The following ANKRD44 variants were observed in gnomAD, a reference collection of about 807,000 sequenced individuals.
The protein encoded by ANKRD44 is ankyrin repeat domain 44.
A neutral mutation model predicts 116.0 loss-of-function variants in ANKRD44; 35 were observed. The observed-to-expected ratio is 0.30, with a 90% CI of 0.23 to 0.40. The LOEUF is 0.40. ANKRD44 is among the 10% of genes least tolerant of loss of function. ANKRD44 has a pLI of 1.00. For missense variants in ANKRD44, 1,014 were observed against 1,242.6 expected, an observed-to-expected ratio of 0.82 and a Z score of 2.77; for synonymous variants, 435 against 461.8, an observed-to-expected ratio of 0.94 and a Z score of 0.74.
chr2:197,002,507 T>C (rs1035142644), intron 21 of ANKRD44, among the ~76,000 whole-genome samples: 1 of 152,224 alleles, frequency 6.6e-6, no homozygotes, highest in African/African-American at 2.4e-5. Flanking sequence ...GGCAATTTAC[T>C]TGGGATCTCT....
rs2081097772 is a variant in ANKRD44, at chr2:197,201,822, C to T, written c.28-14716G>A. On this transcript the variant is annotated intron_variant, in intron 1 of 27. Coordinates refer to ENST00000282272, the MANE Select transcript of ANKRD44 (RefSeq NM_001195144.2). The surrounding 1 kb of genome is among the most constrained non-coding windows in gnomAD (Gnocchi z 4.0). The stretch of plus-strand genomic sequence containing the variant: ...CATAGGTAGTTTTTAATCTCTTGCC[C>T]TCCTCCCATCCTGCCCCCTTTTGGG... Among the ~76,000 whole-genome samples the T allele has an allele frequency of 6.6e-6, 1 of 152,180 alleles. No homozygotes were observed.
chr2:197,216,974 A>C (rs1005247762), intron 1 of ANKRD44, among the ~76,000 whole-genome samples: 1 of 152,050 alleles, frequency 6.6e-6, no homozygotes, highest in Non-Finnish European at 1.5e-5. Context: ...TGACCATCAA[A>C]AACGAAAAGG....
chr2:196,997,070 A>G (rs926471284), intron 25 of ANKRD44, among the ~76,000 whole-genome samples: 1 of 152,182 alleles, frequency 6.6e-6, no homozygotes, highest in Non-Finnish European at 1.5e-5. Context: ...AAAAAATGCT[A>G]CAAAATCCAA....
At chr2:197,053,812 T>C (rs1301772935) in intron 16 of ANKRD44, among the ~76,000 whole-genome samples, 1 of 152,254 alleles carries the variant, frequency 6.6e-6, no homozygotes, top group Non-Finnish European at 1.5e-5. Flanking sequence ...TTGATATGGC[T>C]ATTTATGCTG....
chr2:197,052,639 T>C (rs1232186392), intron 16 of ANKRD44, among the ~76,000 whole-genome samples: 3 of 152,218 alleles, frequency 2.0e-5, no homozygotes, highest in South Asian at 2.1e-4. Flanking sequence ...AGGGTGTATA[T>C]AGCTCTGCCA....
At chr2:197,131,364 TG>T (rs1340830275) in intron 4 of ANKRD44, among the ~76,000 whole-genome samples, 2 of 151,882 alleles carry the variant, frequency 1.3e-5, no homozygotes, top group African/African-American at 4.8e-5. Flanking sequence ...GCTAATTTTT[TG>T]TATTTTTAGT....
At chr2:197,041,831 C>T (rs2076917219) in intron 16 of ANKRD44, among the ~76,000 whole-genome samples, 2 of 152,058 alleles carry the variant, frequency 1.3e-5, no homozygotes, top group South Asian at 4.1e-4. Context: ...AAATGAAATA[C>T]ACAATAAAGA....
rs761245854 is a variant in ANKRD44, at chr2:197,166,905, A to G, written c.112-19800T>C. 3.6e-4 allele frequency among the ~76,000 whole-genome samples: 55 copies of G among 152,384 alleles called. 1 individual carries two copies. The highest frequency in any genetic ancestry group is 4.4e-5 in the Non-Finnish European group (3 of 68,038). On this transcript the variant is annotated intron_variant, in intron 2 of 27. Coordinates refer to ENST00000282272, the MANE Select transcript of ANKRD44 (RefSeq NM_001195144.2). Reference sequence around the variant, plus strand: ...AACCAAATATTTTCTTTTCAAGATAAATCAAGTCAATTCTTATGTGATATA... The same window carrying G: ...AACCAAATATTTTCTTTTCAAGATAGATCAAGTCAATTCTTATGTGATATA...
chr2:197,010,818 T>C (rs2076286334), intron 18 of ANKRD44, among the ~76,000 whole-genome samples: 1 of 152,226 alleles, frequency 6.6e-6, no homozygotes, highest in African/African-American at 2.4e-5. Context: ...GTGAGGTTGA[T>C]AAAGGCTCTC....
At chr2:197,228,757 C>T (rs1324283637) in intron 1 of ANKRD44, among the ~76,000 whole-genome samples, 1 of 152,210 alleles carries the variant, frequency 6.6e-6, no homozygotes, top group Non-Finnish European at 1.5e-5. Context: ...CAGTTACAGC[C>T]TGGCGCGGAG....
chr2:197,005,675 C>A lies in ANKRD44; in HGVS notation c.2347+19G>T. The A allele has an allele frequency of 6.2e-7, 1 of 1,612,492 alleles. No individual in the cohort carries two copies. Among genetic ancestry groups the A allele is most frequent in the South Asian group, 1.1e-5 (1 of 90,830 alleles). ...GGGTAGGAAGTCTAGTGGAATCAGT[C>A]AAATGATAAGCAACTCACCATTGTA... On this transcript the variant is annotated intron_variant, in intron 21 of 27. Transcript: ENST00000282272.
chr2:197,145,497 A>G (rs1462481810), intron 3 of ANKRD44, among the ~76,000 whole-genome samples: 2 of 152,164 alleles, frequency 1.3e-5, no homozygotes, highest in Non-Finnish European at 2.9e-5. Context: ...ACACCAAACA[A>G]TACACATTTG....
At chr2:197,162,017 C>T (rs1426140423) in intron 2 of ANKRD44, among the ~76,000 whole-genome samples, 1 of 152,186 alleles carries the variant, frequency 6.6e-6, no homozygotes. Flanking sequence ...TCCTCTATCA[C>T]CTACCTTCTT....
At chr2:196,970,598 C>T (rs1235521507) in intron 21 of ANKRD44, among the ~76,000 whole-genome samples, 1 of 152,090 alleles carries the variant, frequency 6.6e-6, no homozygotes, top group Admixed American at 6.6e-5. Flanking sequence ...TACCCACCCC[C>T]CCAATCCTTA....
chr2:197,117,576 G>A (rs957635872), intron 8 of ANKRD44, among the ~76,000 whole-genome samples: 1 of 151,698 alleles, frequency 6.6e-6, no homozygotes, highest in Non-Finnish European at 1.5e-5. Context: ...CACCATATTG[G>A]TCAGACTGGT....
chr2:197,049,769 C>T (rs2077071334), intron 16 of ANKRD44, among the ~76,000 whole-genome samples: 1 of 152,038 alleles, frequency 6.6e-6, no homozygotes. Context: ...AGGCATGAAT[C>T]ACCATGCCCA....
chr2:196,973,564 A>T (rs2075730655), intron 21 of ANKRD44, among the ~76,000 whole-genome samples: 1 of 152,216 alleles, frequency 6.6e-6, no homozygotes, highest in South Asian at 2.1e-4. Context: ...TTCAGTGAAA[A>T]TAAGTCTCCT....
chr2:197,122,495 G>A lies in ANKRD44; in HGVS notation c.693+155C>T, dbSNP rs766232829. ...CCTCTGCTTAGTGTATGCCCCCACT[G>A]CCCTTCATCAGTTGCCCACAAAAAC... On this transcript the variant is annotated intron_variant, in intron 7 of 27. Transcript: ENST00000282272. Among the ~76,000 whole-genome samples the A allele has an allele frequency of 5.3e-4, 80 of 152,114 alleles. No individual in the cohort carries two copies. Among genetic ancestry groups the A allele is most frequent in the Non-Finnish European group, 1.3e-4 (9 of 68,006 alleles).
chr2:197,172,178 T>G (rs562471787), intron 2 of ANKRD44, among the ~76,000 whole-genome samples: 46 of 152,022 alleles, frequency 3.0e-4, no homozygotes, highest in Middle Eastern at 3.4e-3. Context: ...CTTTTGCATT[T>G]TTAGTAGAGA....
Sources: gnomAD v4.1 joint callset for allele counts (sites outside exome capture counted in the v4.1 genomes callset) on GRCh38, gnomAD v4.1.1 for gene constraint, Gnocchi (gnomAD v3.1) non-coding constraint, MANE v1.5 for transcripts, NCBI Gene and HGNC (gene_info 2026-07-23, HGNC 2026-07-21) for gene names.